Variants in RWDD4 observed in about 807,000 individuals in gnomAD.
RWDD4 encodes RWD domain-containing protein 4.
RWDD4 carries 16 observed loss-of-function variants against 30.0 expected under a neutral mutation model. That is an observed-to-expected ratio of 0.53 (90% confidence interval 0.36 to 0.81). The LOEUF (loss-of-function observed/expected upper bound fraction) is 0.81, where lower values mean the gene tolerates loss of function less well. RWDD4 is among the 30% of genes least tolerant of loss of function. The probability of loss-of-function intolerance (pLI) is 0.00; values close to 1 mark genes in which losing one functional copy is unlikely to be tolerated. For synonymous variants in RWDD4, 45 were observed against 72.1 expected, an observed-to-expected ratio of 0.62 and a Z score of 1.90; for missense variants, 170 against 223.9, an observed-to-expected ratio of 0.76 and a Z score of 1.54.
chr4:183,648,335 C>G (rs1036723995), intron 5 of RWDD4, among the ~76,000 whole-genome samples: 1 of 151,740 alleles, frequency 6.6e-6, no homozygotes, highest in Non-Finnish European at 1.5e-5. Context: ...TAGTAGCACA[C>G]GCATAGATAC....
intron 1 of RWDD4, among the ~76,000 whole-genome samples, chr4:183,657,583 G>C (rs775416799): frequency 1.3e-5 from 2 of 152,150 alleles, no homozygotes; most frequent in Non-Finnish European, 2.9e-5. Flanking sequence ...AAGACAAATT[G>C]CTTTGTATAA....
intron 2 of RWDD4, among the ~76,000 whole-genome samples, chr4:183,654,394 T>C (rs575304417): frequency 2.1e-4 from 32 of 152,264 alleles, no homozygotes; most frequent in African/African-American, 6.7e-4. Context: ...GGAAGTCAAC[T>C]AGGAGGCTAC....
chr4:183,646,292 A>T, intron 7 of RWDD4, 59 bp downstream of exon 7: 1 of 779,494 alleles, frequency 1.3e-6, no homozygotes, highest in Non-Finnish European at 2.3e-6. Flanking sequence ...AAAAAAAAAG[A>T]TCTAAAATTG....
At chr4:183,646,318 G>T in intron 7 of RWDD4, 33 bp downstream of exon 7, 1 of 870,162 alleles carries the variant, frequency 1.1e-6, no homozygotes, top group Non-Finnish European at 1.9e-6. Context: ...GCAGGGAAAA[G>T]AAGAATGTAA....
At chr4:183,642,001 T>A (rs1360668591) in intron 7 of RWDD4, among the ~76,000 whole-genome samples, 1 of 151,854 alleles carries the variant, frequency 6.6e-6, no homozygotes, top group African/African-American at 2.4e-5. Flanking sequence ...AAATTTGGGG[T>A]AAGGGGAGGC....
chr4:183,651,953 C>T (rs1379469985), intron 2 of RWDD4, among the ~76,000 whole-genome samples: 1 of 152,184 alleles, frequency 6.6e-6, no homozygotes, highest in Non-Finnish European at 1.5e-5. Context: ...CTCTGACATT[C>T]ATCTTATTCA....
At chr4:183,648,713 C>T (rs1400514623) in intron 5 of RWDD4, among the ~76,000 whole-genome samples, 1 of 152,112 alleles carries the variant, frequency 6.6e-6, no homozygotes, top group Non-Finnish European at 1.5e-5. Context: ...GTTAGAGCTC[C>T]AGGTAGAACA....
intron 1 of RWDD4, among the ~76,000 whole-genome samples, chr4:183,657,108 G>T (rs1166568809): frequency 1.3e-5 from 2 of 152,170 alleles, no homozygotes; most frequent in African/African-American, 2.4e-5. Context: ...TAGACCCTAA[G>T]ACCTAGTAAG....
chr4:183,649,493 GTTC>G lies in RWDD4; in HGVS notation c.436_438del (p.Glu146del). 6.2e-7 allele frequency: 1 copy of G among 1,612,256 alleles called. No individual in the cohort carries two copies. Among genetic ancestry groups the G allele is most frequent in the South Asian group, 1.1e-5 (1 of 91,036 alleles). On this transcript the variant is annotated inframe_deletion, in exon 5 of 8. Coordinates refer to ENST00000326397, the MANE Select transcript of RWDD4 (RefSeq NM_152682.4). ...TTACGCTTCTGGGCTTTTGAAAGTT[GTTC>G]TTTTTTGTCTTTTTTCTTACTTGAT...
At chr4:183,652,185 A>C (rs1169507827) in intron 2 of RWDD4, among the ~76,000 whole-genome samples, 1 of 152,180 alleles carries the variant, frequency 6.6e-6, no homozygotes, top group Non-Finnish European at 1.5e-5. Context: ...TGGTACAAAA[A>C]TGCTATCTAA....
At chr4:183,653,750 T>C (rs1317973829) in intron 2 of RWDD4, 1 of 152,222 alleles carries the variant, frequency 6.6e-6, no homozygotes, top group Non-Finnish European at 1.5e-5. Context: ...TGATAAAAGT[T>C]ACCTGCTTGA....
At chr4:183,647,301 A>G (rs1184369580) in intron 5 of RWDD4, among the ~76,000 whole-genome samples, 5 of 152,206 alleles carry the variant, frequency 3.3e-5, no homozygotes, top group Non-Finnish European at 7.3e-5. Context: ...AAACAAGTAC[A>G]TTATATGAAT....
At chr4:183,658,703 C>T (rs2111260346) in intron 1 of RWDD4, among the ~76,000 whole-genome samples, 1 of 152,374 alleles carries the variant, frequency 6.6e-6, no homozygotes, top group Non-Finnish European at 1.5e-5. Flanking sequence ...CCAGGGGAGA[C>T]TCCCGGATTT....
At chr4:183,642,487 C>T (rs1020159194) in intron 7 of RWDD4, among the ~76,000 whole-genome samples, 1 of 152,082 alleles carries the variant, frequency 6.6e-6, no homozygotes, top group Non-Finnish European at 1.5e-5. Context: ...CCACGCCCCA[C>T]CCCAAATCTC....
intron 7 of RWDD4, 114 bp downstream of exon 7, chr4:183,646,237 T>C: frequency 2.9e-6 from 2 of 692,184 alleles, no homozygotes; most frequent in East Asian, 2.5e-5. Flanking sequence ...TACATAGTCA[T>C]ACTATATTGT....
chr4:183,645,570 G>A (rs962560799), intron 7 of RWDD4, among the ~76,000 whole-genome samples: 78 of 130,794 alleles, frequency 6.0e-4, no homozygotes, highest in African/African-American at 2.2e-3. Context: ...AGGAGGTCGA[G>A]AACAGCCTGG....
chr4:183,651,890 TTTTA>T (rs1734083968), intron 2 of RWDD4, among the ~76,000 whole-genome samples: 1 of 152,212 alleles, frequency 6.6e-6, no homozygotes, highest in South Asian at 2.1e-4. Flanking sequence ...TCTGCTAACT[TTTTA>T]TTTAAACATT....
intron 2 of RWDD4, among the ~76,000 whole-genome samples, chr4:183,654,741 A>G (rs1286542014): frequency 6.6e-6 from 1 of 152,202 alleles, no homozygotes; most frequent in African/African-American, 2.4e-5. Context: ...TTTGAGGTCC[A>G]TGGTTATTAC....
chr4:183,656,053 T>C (rs1734187170), intron 1 of RWDD4, 92 bp from the exon 2 acceptor site: 2 of 816,898 alleles, frequency 2.4e-6, no homozygotes, highest in Admixed American at 4.5e-5. Flanking sequence ...CACTCAACTA[T>C]GTAAAAGCTT....
Sources: gnomAD v4.1 joint callset for allele counts (sites outside exome capture counted in the v4.1 genomes callset) on GRCh38, gnomAD v4.1.1 for gene constraint, MANE v1.5 for transcripts, NCBI Gene and HGNC (gene_info 2026-07-23, HGNC 2026-07-21) for gene names.